MECOM: variants seen among roughly 807,000 people sequenced by gnomAD.
MECOM encodes the protein MDS1 and EVI1 complex locus.
Under a neutral mutation model 116.3 loss-of-function variants are expected in MECOM, and 13 were observed. That is an observed-to-expected ratio of 0.11 (90% CI 0.07 to 0.18). MECOM has a LOEUF of 0.18. Among genes scored for constraint, MECOM ranks in the 10% least tolerant of loss-of-function variants. MECOM has a pLI of 1.00. For synonymous variants in MECOM, 528 were observed against 535.2 expected, an observed-to-expected ratio of 0.99 and a Z score of 0.19; for missense variants, 1,299 against 1,509.0, an observed-to-expected ratio of 0.86 and a Z score of 2.31.
chr3:169,264,651 G>A (rs1268115528), intron 2 of MECOM, among the ~76,000 whole-genome samples: 1 of 152,118 alleles, frequency 6.6e-6, no homozygotes, highest in African/African-American at 2.4e-5. Context: ...TAAATAATCA[G>A]GGGCCATTTC....
intron 1 of MECOM, among the ~76,000 whole-genome samples, chr3:169,644,141 A>G (rs1025891487): frequency 1.3e-5 from 2 of 152,164 alleles, no homozygotes; most frequent in African/African-American, 4.8e-5. Context: ...TAAAATACAT[A>G]GATTATCTCA....
chr3:169,121,018 C>A (rs753851596), intron 7 of MECOM, 38 bp downstream of exon 7: 1 of 1,564,136 alleles, frequency 6.4e-7, no homozygotes, highest in Middle Eastern at 1.8e-4. Context: ...GGGGAAGAGA[C>A]AGATGTGGGA....
In MECOM at chr3:169,212,638, A is replaced by G. The variant is rs1369664480; in HGVS notation, c.376-68806T>C. On this transcript the variant is annotated intron_variant, in intron 2 of 16. Transcript: ENST00000651503. Reference sequence around the variant, plus strand: ...GTCTTGGTCTTCTAGTCAGCAATGTATATATATATATATATATATATATAT... The same window carrying G: ...GTCTTGGTCTTCTAGTCAGCAATGTGTATATATATATATATATATATATAT... Among the ~76,000 whole-genome samples, 6 of 4,720 alleles carry G rather than the reference A, an allele frequency of 1.3e-3. No individual in the cohort carries two copies. The East Asian group carries it at 0.024, about 19-fold the overall frequency. 3.1% of individuals were successfully genotyped at this position (4,720 alleles called of 152,430 possible). A position where few individuals can be genotyped will look rare whatever the true frequency, so the allele number is the denominator to read the frequency against.
At position 169,353,401 on chromosome 3, in the gene MECOM, A is replaced by G. The variant is rs911962062; in HGVS notation, c.375+27786T>C. ...ACAATTAAAATGGAGAACTCACTCT[A>G]ATTGAGACTGAGGAATTTAAATTCT... On this transcript the variant is annotated intron_variant, in intron 2 of 16. Coordinates refer to ENST00000651503, the MANE Select transcript of MECOM (RefSeq NM_004991.4). Among the ~76,000 whole-genome samples the G allele has an allele frequency of 5.3e-5, 8 of 151,944 alleles. No individual in the cohort carries two copies. In the South Asian group the frequency reaches 1.4e-3, roughly 28 times the overall value.
chr3:169,635,130 C>T (rs1772575127), intron 1 of MECOM, among the ~76,000 whole-genome samples: 1 of 152,206 alleles, frequency 6.6e-6, no homozygotes. Flanking sequence ...CAGCATCAAG[C>T]CAGGCCGCTG....
chr3:169,226,818 T>C (rs1348949482), intron 2 of MECOM, among the ~76,000 whole-genome samples: 1 of 152,220 alleles, frequency 6.6e-6, no homozygotes, highest in Non-Finnish European at 1.5e-5. Context: ...ATCTCAGAAC[T>C]TCATTAAAAG....
chr3:169,146,397 C>T (rs984128503), intron 2 of MECOM: 12 of 1,388,340 alleles, frequency 8.6e-6, no homozygotes, highest in South Asian at 8.0e-5. Context: ...CCGAAACCGA[C>T]GGACAGAGAC....
chr3:169,469,602 C>CAT (rs3042747), intron 1 of MECOM, among the ~76,000 whole-genome samples: 87,073 of 151,700 alleles, frequency 0.57, 25,710 homozygotes, highest in African/African-American at 0.72. Flanking sequence ...TCAAGGTGTA[C>CAT]GTTTTTTTCT....
intron 2 of MECOM, among the ~76,000 whole-genome samples, chr3:169,360,960 C>T (rs1389704653): frequency 1.3e-5 from 2 of 151,790 alleles, no homozygotes; most frequent in African/African-American, 4.8e-5. Context: ...CTAGAGAAAA[C>T]CAGCTAGATT....
intron 2 of MECOM, among the ~76,000 whole-genome samples, chr3:169,298,463 G>C (rs1056201069): frequency 6.6e-6 from 1 of 151,366 alleles, no homozygotes; most frequent in African/African-American, 2.4e-5. Flanking sequence ...ACCATATTTT[G>C]ACATCTATTA....
chr3:169,482,175 G>T (rs896392443), intron 1 of MECOM, among the ~76,000 whole-genome samples: 1 of 151,926 alleles, frequency 6.6e-6, no homozygotes, highest in Non-Finnish European at 1.5e-5. Flanking sequence ...TAAAAAAAAG[G>T]GGTCTAAATC....
intron 1 of MECOM, among the ~76,000 whole-genome samples, chr3:169,444,189 TTCTCACA>T (rs1342299055): frequency 6.6e-6 from 1 of 152,206 alleles, no homozygotes; most frequent in African/African-American, 2.4e-5. Flanking sequence ...GGACTCTCAG[TTCTCACA>T]TCAAGGAAGA....
chr3:169,161,854 G>A (rs934247619), intron 2 of MECOM, among the ~76,000 whole-genome samples: 4 of 152,064 alleles, frequency 2.6e-5, no homozygotes, highest in Non-Finnish European at 5.9e-5. Flanking sequence ...GGCCTATGCG[G>A]GGAACAATTA....
At chr3:169,227,557 A>G (rs1163900927) in intron 2 of MECOM, among the ~76,000 whole-genome samples, 1 of 152,166 alleles carries the variant, frequency 6.6e-6, no homozygotes. Flanking sequence ...GGGGACAGAG[A>G]TCTCATGAAC....
chr3:169,304,602 A>G (rs1391327919), intron 2 of MECOM, among the ~76,000 whole-genome samples: 1 of 152,258 alleles, frequency 6.6e-6, no homozygotes, highest in Non-Finnish European at 1.5e-5. Context: ...CACAGAAGAT[A>G]AAATGGCAGT....
Position 169,089,056 on chromosome 3 carries a change from T to C in MECOM, c.3529A>G (p.Thr1177Ala). ...TTAAGTTCCTCTGGCACATGGGAAG[T>C]ACTAAAAGAAGACAGCTCAGCTTCA... is the stretch of plus-strand genomic sequence containing the variant. ...YSEAELSSFS[T>A]SHVPEELKQP... Residue 1177 changes from threonine to alanine, a missense_variant, in exon 16 of 17, where the codon ACT becomes GCT. Thr to Ala is a moderately conservative substitution (Grantham distance 58). This residue lies in a region of MECOM where 273 missense variants were observed against 289.3 expected (regional missense o/e 0.94). Transcript: ENST00000651503. 6.2e-7 allele frequency: 1 copy of C among 1,609,170 alleles called. No individual in the cohort carries two copies. The highest frequency in any genetic ancestry group is 2.2e-5 in the East Asian group (1 of 44,604).
At chr3:169,238,779 T>TA (rs1311392135) in intron 2 of MECOM, among the ~76,000 whole-genome samples, 1 of 152,152 alleles carries the variant, frequency 6.6e-6, no homozygotes, top group Non-Finnish European at 1.5e-5. Context: ...AATATTAAAT[T>TA]AAAAGTGAGT....
At chr3:169,157,814 G>T (rs1431427909) in intron 2 of MECOM, among the ~76,000 whole-genome samples, 2 of 152,134 alleles carry the variant, frequency 1.3e-5, no homozygotes, top group Admixed American at 1.3e-4. Context: ...TAGAAGGGGG[G>T]GATGCCAGAA....
intron 2 of MECOM, among the ~76,000 whole-genome samples, chr3:169,294,171 TG>T: frequency 6.6e-6 from 1 of 152,306 alleles, no homozygotes; most frequent in Admixed American, 6.5e-5. Context: ...TTTAAGTTGT[TG>T]TATTTCCATT....
Sources: allele counts gnomAD v4.1 joint callset (sites outside exome capture counted in the v4.1 genomes callset), GRCh38; gene constraint gnomAD v4.1.1; regional missense constraint gnomAD v4.1.1; transcripts MANE v1.5; gene names NCBI Gene and HGNC (gene_info 2026-07-23, HGNC 2026-07-21).